ARSF: variants seen among roughly 807,000 people sequenced by gnomAD.
The protein encoded by ARSF is arylsulfatase F.
In ARSF, 33 loss-of-function variants were observed where a neutral mutation model predicts 35.4. The observed-to-expected ratio is 0.93, with a 90% CI of 0.71 to 1.25. The LOEUF (loss-of-function observed/expected upper bound fraction) is 1.25, where lower values mean the gene tolerates loss of function less well. Ranked by LOEUF, ARSF falls within the 50% of genes most tolerant of loss-of-function variation. ARSF has a pLI of 0.00. For synonymous variants in ARSF, 222 were observed against 193.1 expected, an observed-to-expected ratio of 1.15 and a Z score of -1.24; for missense variants, 501 against 480.2, an observed-to-expected ratio of 1.04 and a Z score of -0.40.
At chrX:3,081,810 A>T in intron 5 of ARSF, among the ~76,000 whole-genome samples, 1 of 112,058 alleles carries the variant, frequency 8.9e-6, no homozygotes, top group Non-Finnish European at 1.9e-5. Context: ...GCCAAGGATG[A>T]TAGAAGTCCT....
At chrX:3,098,047 A>AACACACACACAC (rs3032523) in intron 7 of ARSF, among the ~76,000 whole-genome samples, 3,233 of 88,021 alleles carry the variant, frequency 0.037, 58 homozygotes, top group Non-Finnish European at 0.047. Context: ...ATACACACAC[A>AACACACACACAC]ACACACACAC....
intron 1 of ARSF, among the ~76,000 whole-genome samples, chrX:3,057,308 C>A (rs192491612): frequency 1.0e-3 from 116 of 111,739 alleles, no homozygotes; most frequent in East Asian, 1.7e-3. Flanking sequence ...GTTTTTTTCC[C>A]CAGAAACTCT....
chrX:3,056,538 G>A (rs1041195411), intron 1 of ARSF, among the ~76,000 whole-genome samples: 1 of 111,042 alleles, frequency 9.0e-6, no homozygotes, highest in Non-Finnish European at 1.9e-5. Context: ...AACTCCCAAA[G>A]TGGTGAGATT....
intron 5 of ARSF, 86 bp downstream of exon 5, chrX:3,081,099 C>T: frequency 4.5e-6 from 5 of 1,122,070 alleles, no homozygotes; most frequent in Non-Finnish European, 6.0e-6. Flanking sequence ...TTCTTGGAAA[C>T]GCTGTATTTT....
chrX:3,112,726 C>A lies in ARSF; in HGVS notation c.*170C>A. 5 of 725,336 alleles carry A rather than the reference C, an allele frequency of 6.9e-6. No homozygotes were observed. The highest frequency in any genetic ancestry group is 9.2e-6 in the Non-Finnish European group (5 of 544,547). The allele number at this position is 725,336 out of a possible 1,213,427, so 59.8% of individuals were successfully genotyped here. Reference sequence around the variant, plus strand: ...ATTATTAAAGGCCCACTGGTTGTTCCACTTGCTGCTTTTTTTTGGATTCCT... The same window carrying A: ...ATTATTAAAGGCCCACTGGTTGTTCAACTTGCTGCTTTTTTTTGGATTCCT... On this transcript the variant is annotated 3_prime_UTR_variant, in exon 11 of 11. Transcript: ENST00000381127.
chrX:3,107,371 T>C (rs1481446258), intron 9 of ARSF, among the ~76,000 whole-genome samples: 1 of 110,706 alleles, frequency 9.0e-6, no homozygotes, highest in East Asian at 2.8e-4. Context: ...CCTCAGTCCA[T>C]TAGTGGAGAA....
At chrX:3,057,552 G>A (rs2090024060) in intron 1 of ARSF, among the ~76,000 whole-genome samples, 1 of 111,552 alleles carries the variant, frequency 9.0e-6, no homozygotes, top group Admixed American at 9.6e-5. Flanking sequence ...CAGATAACAC[G>A]CCAATCCTGA....
chrX:3,065,371 C>T (rs2090060136), intron 1 of ARSF, among the ~76,000 whole-genome samples: 1 of 108,485 alleles, frequency 9.2e-6, no homozygotes, highest in Non-Finnish European at 1.9e-5. Context: ...CAGCATGGCA[C>T]ATGTATACCT....
intron 1 of ARSF, among the ~76,000 whole-genome samples, chrX:3,062,218 A>G (rs1436867828): frequency 7.6e-4 from 85 of 112,315 alleles, no homozygotes; most frequent in African/African-American, 2.6e-3. Flanking sequence ...TAAATAACGA[A>G]ATGAAGGCAG....
chrX:3,110,526 T>C (rs2090438277), intron 10 of ARSF, among the ~76,000 whole-genome samples: 1 of 112,449 alleles, frequency 8.9e-6, no homozygotes, highest in Non-Finnish European at 1.9e-5. Flanking sequence ...TTTTTACTTA[T>C]CGATTACACT....
At chrX:3,078,395 T>C (rs1244040550) in intron 4 of ARSF, among the ~76,000 whole-genome samples, 11 of 110,852 alleles carry the variant, frequency 9.9e-5, no homozygotes, top group African/African-American at 3.6e-4. Flanking sequence ...TTCCCCAGGC[T>C]GGTCTCGAGC....
chrX:3,066,584 G>A (rs1165678040), intron 1 of ARSF, among the ~76,000 whole-genome samples: 1 of 112,187 alleles, frequency 8.9e-6, no homozygotes, highest in Non-Finnish European at 1.9e-5. Flanking sequence ...TTCAGCGTCA[G>A]CAAGAAAGGC....
At chrX:3,071,283 A>G (rs1205678586) in intron 2 of ARSF, among the ~76,000 whole-genome samples, 1 of 110,368 alleles carries the variant, frequency 9.1e-6, no homozygotes, top group African/African-American at 3.3e-5. Flanking sequence ...ATGCGTGTGC[A>G]AGTGTCTTTT....
chrX:3,059,485 C>A (rs1030611715), intron 1 of ARSF, among the ~76,000 whole-genome samples: 1 of 112,350 alleles, frequency 8.9e-6, no homozygotes, highest in Non-Finnish European at 1.9e-5. Context: ...CGAAACAGGG[C>A]AGGGCATTGC....
At chrX:3,086,578 A>G (rs1352222062) in intron 6 of ARSF, among the ~76,000 whole-genome samples, 2 of 111,877 alleles carry the variant, frequency 1.8e-5, no homozygotes, top group Non-Finnish European at 3.8e-5. Flanking sequence ...GCACTTTGGG[A>G]GGCTGAGGTA....
chrX:3,092,560 G>A (rs997721794), intron 7 of ARSF, among the ~76,000 whole-genome samples: 3 of 111,771 alleles, frequency 2.7e-5, no homozygotes, highest in Non-Finnish European at 5.6e-5. Context: ...GCAAACGGAT[G>A]GGTGTGTTGA....
chrX:3,112,344 C>G lies in ARSF; in HGVS notation c.1561C>G (p.Pro521Ala). The change falls in exon 11 of 11, where the codon CCT becomes GCT. Residue 521 changes from proline (P) to alanine (A), a missense_variant. Pro to Ala is a conservative substitution (Grantham distance 27). Coordinates refer to ENST00000381127, the MANE Select transcript of ARSF (RefSeq NM_001201539.2). ...RDPSESTPLT[P>A]ATEPLHDFVI... ...CCCCTCAGAGTCCACACCCCTGACA[C>G]CTGCCACAGAGCCCCTCCATGATTT... 1 of 1,211,466 alleles carries G rather than the reference C, an allele frequency of 8.3e-7. No individual in the cohort carries two copies. Among genetic ancestry groups the G allele is most frequent in the Middle Eastern group, 2.3e-4 (1 of 4,356 alleles).
chrX:3,093,373 TG>T (rs1475960625), intron 7 of ARSF, among the ~76,000 whole-genome samples: 5 of 111,640 alleles, frequency 4.5e-5, no homozygotes, highest in African/African-American at 1.6e-4. Flanking sequence ...GGAGCGAGCA[TG>T]GCAACCAATA....
At chrX:3,066,996 C>A (rs1179469601) in intron 1 of ARSF, 1 of 106,656 alleles carries the variant, frequency 9.4e-6, no homozygotes, top group Non-Finnish European at 1.9e-5. Context: ...CTCAATGGAT[C>A]ATCAGCTTAG....
Sources: gnomAD v4.1 joint callset for allele counts (sites outside exome capture counted in the v4.1 genomes callset) on GRCh38, gnomAD v4.1.1 for gene constraint, MANE v1.5 for transcripts, NCBI Gene and HGNC (gene_info 2026-07-23, HGNC 2026-07-21) for gene names.